SGCD: variants seen among roughly 807,000 people sequenced by gnomAD.
SGCD encodes delta-sarcoglycan.
A neutral mutation model predicts 36.6 loss-of-function variants in SGCD; 18 were observed. The ratio of observed to expected loss-of-function variants is 0.49; its 90% confidence interval spans 0.34 to 0.73. The LOEUF (loss-of-function observed/expected upper bound fraction) is 0.73. Among genes scored for constraint, SGCD ranks in the 30% least tolerant of loss-of-function variants. SGCD has a pLI of 0.01. For missense variants in SGCD, 387 were observed against 346.7 expected, an observed-to-expected ratio of 1.12 and a Z score of -0.92; for synonymous variants, 133 against 130.6, an observed-to-expected ratio of 1.02 and a Z score of -0.12.
chr5:156,352,469 A>G (rs1022624967), intron 3 of SGCD, among the ~76,000 whole-genome samples: 15 of 152,194 alleles, frequency 9.9e-5, no homozygotes, highest in African/African-American at 3.4e-4. Context: ...AACATGTGTT[A>G]ACTGTAGATT....
Position 156,543,801 on chromosome 5 carries a change from A to G in SGCD, c.294+35099A>G, listed in dbSNP as rs532680043. On this transcript the variant is annotated intron_variant, in intron 4 of 8. Transcript: ENST00000337851. ...CCACATTTATGGCTCTCCTTTTAGG[A>G]TAAAGGTTAAATAAGTGGCCAGTGA... Among the ~76,000 whole-genome samples, 8 of 152,326 alleles carry G rather than the reference A, an allele frequency of 5.3e-5. No individual in the cohort carries two copies. In the East Asian group the frequency reaches 1.3e-3, roughly 26 times the overall value.
rs541059701 is a variant in SGCD, at chr5:156,717,786, C to T, written c.576-39795C>T. ...CACTGAAAAATTCCTCAAACTAGCC[C>T]ATCCTAAGCTTGCTATGTCTTTGCT... On this transcript the variant is annotated intron_variant, in intron 7 of 8. Coordinates refer to ENST00000337851, the MANE Select transcript of SGCD (RefSeq NM_000337.6). Among the ~76,000 whole-genome samples the T allele has an allele frequency of 2.0e-5, 3 of 152,218 alleles. No homozygotes were observed. In the East Asian group the frequency reaches 5.8e-4, roughly 30 times the overall value.
chr5:156,267,315 T>A (rs1461350470), intron 3 of SGCD, among the ~76,000 whole-genome samples: 1 of 152,234 alleles, frequency 6.6e-6, no homozygotes, highest in Non-Finnish European at 1.5e-5. Context: ...TTATCACTTG[T>A]TTTTTATTTC....
At chr5:155,869,501 AT>A (rs1755589925), upstream of SGCD, among the ~76,000 whole-genome samples, 1 of 152,080 alleles carries the variant, frequency 6.6e-6, no homozygotes, top group South Asian at 2.1e-4. Flanking sequence ...TACCCATTTT[AT>A]AGATGTGGAT....
chr5:155,949,809 A>C (rs750593814), intron 1 of SGCD, among the ~76,000 whole-genome samples: 128 of 152,336 alleles, frequency 8.4e-4, no homozygotes, highest in Admixed American at 1.5e-3. Context: ...AAATATTTAC[A>C]GTCTGGCCCT....
chr5:155,867,526 C>T (rs560764282), upstream of SGCD, among the ~76,000 whole-genome samples: 11 of 152,210 alleles, frequency 7.2e-5, no homozygotes, highest in South Asian at 4.2e-4. Context: ...TGGCATTGAA[C>T]GGCAGTTATA....
the SGCD span, among the ~76,000 whole-genome samples, chr5:155,792,342 A>G: frequency 7.9e-5 from 12 of 151,992 alleles, no homozygotes; most frequent in Admixed American, 7.9e-4. Flanking sequence ...CAGCTTTGGC[A>G]AAGAATTTAT....
chr5:155,777,294 T>C, the SGCD span, among the ~76,000 whole-genome samples: 10 of 152,176 alleles, frequency 6.6e-5, no homozygotes, highest in South Asian at 2.1e-3. Flanking sequence ...AGTTCTTTTA[T>C]AGCTTTATTC....
At chr5:156,245,266 G>A (rs2127658125) in intron 3 of SGCD, among the ~76,000 whole-genome samples, 1 of 152,250 alleles carries the variant, frequency 6.6e-6, no homozygotes, top group East Asian at 1.9e-4. Flanking sequence ...GATAAATAAA[G>A]GAAGTGTTAA....
intron 1 of SGCD, among the ~76,000 whole-genome samples, chr5:156,078,435 C>T (rs1376618642): frequency 2.7e-5 from 4 of 150,260 alleles, no homozygotes; most frequent in Non-Finnish European, 5.9e-5. Context: ...ATCACTTGAA[C>T]TTGGGAGGCA....
rs540208078 is a variant in SGCD, at chr5:156,709,730, C to T, written c.576-47851C>T. Reference sequence around the variant, plus strand: ...ATTAGTAATATTGCCAGGAAAGAAACGTGGGTTTGAAAAGAGCAGAAATTC... The same window carrying T: ...ATTAGTAATATTGCCAGGAAAGAAATGTGGGTTTGAAAAGAGCAGAAATTC... On this transcript the variant is annotated intron_variant, in intron 7 of 8. Transcript: ENST00000337851. Among the ~76,000 whole-genome samples the T allele has an allele frequency of 1.2e-4, 18 of 152,160 alleles. No individual in the cohort carries two copies. The South Asian group carries it at 1.9e-3, about 16-fold the overall frequency.
chr5:155,756,287 T>TATCC, the SGCD span, among the ~76,000 whole-genome samples: 3 of 152,234 alleles, frequency 2.0e-5, no homozygotes, highest in Admixed American at 6.5e-5. Context: ...GGGTACTGAT[T>TATCC]ATCCATAGGG....
chr5:155,814,995 A>C, the SGCD span, among the ~76,000 whole-genome samples: 2 of 152,150 alleles, frequency 1.3e-5, no homozygotes, highest in East Asian at 3.8e-4. Flanking sequence ...ACATTCCACT[A>C]TCTGGTTTAA....
At chr5:156,538,135 G>A (rs2113134608) in intron 4 of SGCD, among the ~76,000 whole-genome samples, 1 of 152,048 alleles carries the variant, frequency 6.6e-6, no homozygotes, top group South Asian at 2.1e-4. Context: ...ACTAAGGATA[G>A]GCTTAGTGGT....
chr5:155,817,328 C>G, the SGCD span, among the ~76,000 whole-genome samples: 1 of 151,196 alleles, frequency 6.6e-6, no homozygotes, highest in Non-Finnish European at 1.5e-5. Context: ...TTTTATAGTT[C>G]TTGCTGTTCT....
intron 2 of SGCD, among the ~76,000 whole-genome samples, chr5:156,342,353 A>G (rs1857769): frequency 0.075 from 11,484 of 152,262 alleles, 447 homozygotes; most frequent in South Asian, 0.18. Context: ...TTATTGTTCA[A>G]GACCTTACCC....
chr5:155,912,215 G>A (rs1038595417), intron 1 of SGCD, among the ~76,000 whole-genome samples: 3 of 152,030 alleles, frequency 2.0e-5, no homozygotes, highest in African/African-American at 4.8e-5. Flanking sequence ...GGAACCCCAC[G>A]TGTGCTCAAG....
At chr5:156,342,045 C>A (rs1768683541) in intron 2 of SGCD, among the ~76,000 whole-genome samples, 1 of 152,172 alleles carries the variant, frequency 6.6e-6, no homozygotes, top group Non-Finnish European at 1.5e-5. Context: ...CCATCAGTAA[C>A]TCTGATGTGC....
At chr5:155,765,751 T>C in the SGCD span, among the ~76,000 whole-genome samples, 1 of 152,124 alleles carries the variant, frequency 6.6e-6, no homozygotes, top group Admixed American at 6.6e-5. Flanking sequence ...GAGATAGTTT[T>C]TTAAGGATTT....
Sources: allele counts gnomAD v4.1 joint callset (sites outside exome capture counted in the v4.1 genomes callset), GRCh38; gene constraint gnomAD v4.1.1; transcripts MANE v1.5; gene names NCBI Gene and HGNC (gene_info 2026-07-23, HGNC 2026-07-21).